The following NSMCE2 variants were observed in gnomAD, a reference collection of about 807,000 sequenced individuals.
NSMCE2 encodes E3 SUMO-protein ligase NSE2.
NSMCE2 carries 24 observed loss-of-function variants against 23.8 expected under a neutral mutation model. The ratio of observed to expected loss-of-function variants is 1.01; its 90% confidence interval spans 0.73 to 1.42. The LOEUF (loss-of-function observed/expected upper bound fraction) is 1.42, where lower values mean the gene tolerates loss of function less well. Ranked by LOEUF, NSMCE2 falls within the 40% of genes most tolerant of loss-of-function variation. The pLI, the probability that NSMCE2 is intolerant of heterozygous loss-of-function variation, is 0.00. For missense variants in NSMCE2, 284 were observed against 296.5 expected, an observed-to-expected ratio of 0.96 and a Z score of 0.31; for synonymous variants, 92 against 94.1, an observed-to-expected ratio of 0.98 and a Z score of 0.13.
At chr8:125,255,919 G>A (rs1826385665) in intron 5 of NSMCE2, among the ~76,000 whole-genome samples, 1 of 152,108 alleles carries the variant, frequency 6.6e-6, no homozygotes, top group Admixed American at 6.5e-5. Flanking sequence ...AGACTGCGAG[G>A]GTGAGGATGG....
chr8:125,349,478 G>A (rs1812938593), intron 5 of NSMCE2, among the ~76,000 whole-genome samples: 1 of 152,126 alleles, frequency 6.6e-6, no homozygotes, highest in Non-Finnish European at 1.5e-5. Flanking sequence ...GCCAGGCATG[G>A]TGACTAATGC....
intron 4 of NSMCE2, among the ~76,000 whole-genome samples, chr8:125,151,569 C>T (rs1277729421): frequency 3.3e-5 from 5 of 152,014 alleles, no homozygotes; most frequent in African/African-American, 7.3e-5. Flanking sequence ...TTATAAAATC[C>T]TAAAAATTGC....
intron 4 of NSMCE2, among the ~76,000 whole-genome samples, chr8:125,177,895 T>C (rs1822575121): frequency 6.6e-6 from 1 of 152,210 alleles, no homozygotes; most frequent in Non-Finnish European, 1.5e-5. Flanking sequence ...GTAACTTCAC[T>C]TCAAAGTCTT....
chr8:125,114,616 G>C (rs568433135), intron 3 of NSMCE2, among the ~76,000 whole-genome samples: 3 of 152,256 alleles, frequency 2.0e-5, no homozygotes, highest in Non-Finnish European at 4.4e-5. Flanking sequence ...TCGGGGATGC[G>C]GGGAGCATGT....
rs1462294856 is a variant in NSMCE2, at chr8:125,293,016, A to AG, written c.419-64198dup. 2.6e-5 allele frequency among the ~76,000 whole-genome samples: 4 copies of AG among 152,318 alleles called. No individual in the cohort carries two copies. The East Asian group carries it at 7.7e-4, about 29-fold the overall frequency. On this transcript the variant is annotated intron_variant, in intron 5 of 7. Transcript: ENST00000287437. The stretch of plus-strand genomic sequence containing the variant: ...CCATAATTTTACTTAAATCTGTCCC[A>AG]GGGGGCCTGGTTTAGGTCTGATACC...
chr8:125,112,124 T>C (rs951416027), intron 3 of NSMCE2, among the ~76,000 whole-genome samples: 4 of 152,202 alleles, frequency 2.6e-5, no homozygotes, highest in African/African-American at 9.7e-5. Context: ...GTTTGTATGC[T>C]TATACAGCTT....
At position 125,096,714 on chromosome 8, in the gene NSMCE2, G is replaced by C. The variant is rs569402063; in HGVS notation, c.-111+4756G>C. ...CAACTGCTGCCTCCAGGATTCAAGC[G>C]ATTCTTCTGCCTCAGCCTCCCGAGT... On this transcript the variant is annotated intron_variant, in intron 1 of 7. Coordinates refer to ENST00000287437, the MANE Select transcript of NSMCE2 (RefSeq NM_173685.4). Among the ~76,000 whole-genome samples the C allele has an allele frequency of 1.1e-4, 16 of 141,200 alleles. 2 individuals carry two copies. The South Asian group carries it at 3.7e-3, about 33-fold the overall frequency. The allele number at this position is 141,200 out of a possible 152,430, so 92.6% of individuals were successfully genotyped here.
chr8:125,301,872 C>T (rs951364430), intron 5 of NSMCE2, among the ~76,000 whole-genome samples: 4 of 152,154 alleles, frequency 2.6e-5, no homozygotes, highest in South Asian at 4.1e-4. Flanking sequence ...CCGTGTTGGC[C>T]AGACTGGTCT....
At chr8:125,336,547 T>G (rs1372898555) in intron 5 of NSMCE2, among the ~76,000 whole-genome samples, 2 of 152,136 alleles carry the variant, frequency 1.3e-5, no homozygotes, top group Non-Finnish European at 2.9e-5. Context: ...AGAGTGGATT[T>G]GGAGAAGTGA....
In NSMCE2 at chr8:125,215,831, A is replaced by G. The variant is rs1824557242; in HGVS notation, c.418+33575A>G. ...TTTGACTATTCTGGGTACCTCATGT[A>G]AGTGGCATTGTACAATATTTGTGCG... is the stretch of plus-strand genomic sequence containing the variant. On this transcript the variant is annotated intron_variant, in intron 5 of 7. Transcript: ENST00000287437. Among the ~76,000 whole-genome samples, 5 of 152,336 alleles carry G rather than the reference A, an allele frequency of 3.3e-5. No homozygotes were observed. The South Asian group carries it at 1.0e-3, about 32-fold the overall frequency.
chr8:125,191,525 TAGCTGAGAGAG>T (rs1224638003), intron 5 of NSMCE2, among the ~76,000 whole-genome samples: 3 of 152,214 alleles, frequency 2.0e-5, no homozygotes, highest in Non-Finnish European at 4.4e-5. Context: ...CTGCTTCATC[TAGCTGAGAGAG>T]AATCTTTTTC....
intron 5 of NSMCE2, among the ~76,000 whole-genome samples, chr8:125,264,553 C>T (rs1202395939): frequency 3.9e-5 from 6 of 152,084 alleles, no homozygotes; most frequent in Admixed American, 1.3e-4. Context: ...ACCATCTGCG[C>T]GCACCACCAC....
chr8:125,125,559 A>G (rs997489561), intron 3 of NSMCE2, among the ~76,000 whole-genome samples: 1 of 152,246 alleles, frequency 6.6e-6, no homozygotes, highest in Non-Finnish European at 1.5e-5. Context: ...TTAGTGGTCA[A>G]TTCTAGCAGA....
chr8:125,358,139 C>T (rs981304395), intron 7 of NSMCE2, among the ~76,000 whole-genome samples: 1 of 152,096 alleles, frequency 6.6e-6, no homozygotes, highest in African/African-American at 2.4e-5. Context: ...TCAAGACCAG[C>T]CTGGCCAACA....
At chr8:125,362,805 C>G (rs1394141639) in intron 7 of NSMCE2, among the ~76,000 whole-genome samples, 1 of 152,214 alleles carries the variant, frequency 6.6e-6, no homozygotes, top group Admixed American at 6.5e-5. Context: ...CCTTGTTTGA[C>G]ATGGCTCACT....
At chr8:125,323,702 A>G (rs1267861599) in intron 5 of NSMCE2, among the ~76,000 whole-genome samples, 2 of 152,244 alleles carry the variant, frequency 1.3e-5, no homozygotes, top group Non-Finnish European at 2.9e-5. Context: ...ATATATCTGA[A>G]TATAAAACCT....
intron 5 of NSMCE2, among the ~76,000 whole-genome samples, chr8:125,221,385 A>C (rs1563727822): frequency 6.6e-6 from 1 of 152,204 alleles, no homozygotes; most frequent in African/African-American, 2.4e-5. Context: ...CTGGGATTAC[A>C]GTTGTGTACC....
At chr8:125,178,840 G>A (rs1217177083) in intron 4 of NSMCE2, among the ~76,000 whole-genome samples, 1 of 152,052 alleles carries the variant, frequency 6.6e-6, no homozygotes, top group Non-Finnish European at 1.5e-5. Flanking sequence ...ACTACAGCCT[G>A]GGCAACAGAG....
chr8:125,156,282 A>G (rs1821304728), intron 4 of NSMCE2: 1 of 163,446 alleles, frequency 6.1e-6, no homozygotes, highest in Non-Finnish European at 1.3e-5. Flanking sequence ...AAAGATAAAA[A>G]AAAAAGAATT....
Sources: gnomAD v4.1 joint callset for allele counts (sites outside exome capture counted in the v4.1 genomes callset) on GRCh38, gnomAD v4.1.1 for gene constraint, MANE v1.5 for transcripts, NCBI Gene and HGNC (gene_info 2026-07-23, HGNC 2026-07-21) for gene names.